SRRM3: variants seen among roughly 807,000 people sequenced by gnomAD.
SRRM3 encodes serine/arginine repetitive matrix 3.
A neutral mutation model predicts 66.2 loss-of-function variants in SRRM3; 27 were observed. The ratio of observed to expected loss-of-function variants is 0.41; its 90% confidence interval spans 0.30 to 0.56. SRRM3 has a LOEUF of 0.56. SRRM3 is among the 20% of genes least tolerant of loss of function. The pLI is 0.32. For synonymous variants in SRRM3, 391 were observed against 414.9 expected (o/e 0.94, Z 0.70); for missense variants, 918 against 991.9 (o/e 0.93, Z 1.00).
intron 11 of SRRM3, among the ~76,000 whole-genome samples, chr7:76,271,454 G>A (rs1255032420): frequency 6.6e-6 from 1 of 151,874 alleles, no homozygotes; most frequent in Non-Finnish European, 1.5e-5. Context: ...TCCAGCCTGG[G>A]CAACACTGCA....
intron 1 of SRRM3, among the ~76,000 whole-genome samples, chr7:76,220,564 C>CT (rs1554603065): frequency 6.6e-6 from 1 of 152,204 alleles, no homozygotes. Flanking sequence ...GCCCTGGAAA[C>CT]TTTGCCAGCC....
chr7:76,228,145 C>T (rs1042880430), intron 1 of SRRM3, among the ~76,000 whole-genome samples: 1 of 152,132 alleles, frequency 6.6e-6, no homozygotes, highest in East Asian at 1.9e-4. Context: ...GCTGGGATTA[C>T]AGGTGCAAGC....
intron 1 of SRRM3, among the ~76,000 whole-genome samples, chr7:76,222,821 G>A (rs1554603343): frequency 6.6e-6 from 1 of 151,812 alleles, no homozygotes; most frequent in African/African-American, 2.4e-5. Flanking sequence ...AGGCCAGGCT[G>A]ACCAGGCTGG....
chr7:76,281,354 C>CGTCT lies in SRRM3; in HGVS notation c.1009-82_1009-79dup, dbSNP rs563204016. 981 of 971,418 alleles carry CGTCT rather than the reference C, an allele frequency of 1.0e-3. 18 individuals are homozygous for CGTCT. The South Asian group carries it at 0.028, about 28-fold the overall frequency. 60.2% of individuals were successfully genotyped at this position (971,418 alleles called of 1,614,324 possible). On this transcript the variant is annotated intron_variant, in intron 11 of 14. Transcript: ENST00000611745. ...TCTCTTTCTTTCAATCTCTCTCTCC[C>CGTCT]GTCTGTCTCCTCTCTTCTCTCTCTG...
intron 1 of SRRM3, among the ~76,000 whole-genome samples, chr7:76,212,260 C>G (rs151255657): frequency 1.0e-3 from 153 of 149,582 alleles, no homozygotes; most frequent in Non-Finnish European, 1.8e-3. Flanking sequence ...TCCCCCAGCT[C>G]AGATGATCTT....
rs782230175 is a variant in SRRM3 at position 76,264,839 on chromosome 7, GC to G, written c.725+30del. 21 of 1,612,440 alleles carry G rather than the reference GC, an allele frequency of 1.3e-5. No individual in the cohort carries two copies. In the South Asian group the frequency reaches 1.6e-4, roughly 13 times the overall value. On this transcript the variant is annotated intron_variant, in intron 9 of 14. Transcript: ENST00000611745. ...AGGTAAGCGCCCTCCCTACTCTCCA[GC>G]CCCCCATTCGTTCTCCCTCCCGCCC...
intron 1 of SRRM3, among the ~76,000 whole-genome samples, chr7:76,208,190 G>A (rs997926999): frequency 8.5e-5 from 13 of 152,238 alleles, no homozygotes; most frequent in Middle Eastern, 3.4e-3. Flanking sequence ...CTTAGGGGGC[G>A]GTGAGGGCTT....
chr7:76,227,736 G>A (rs781914751), intron 1 of SRRM3, among the ~76,000 whole-genome samples: 1 of 152,212 alleles, frequency 6.6e-6, no homozygotes, highest in Non-Finnish European at 1.5e-5. Flanking sequence ...CTTTAATAAC[G>A]TGAGGCCAAG....
intron 11 of SRRM3, among the ~76,000 whole-genome samples, chr7:76,275,964 C>G (rs1802338595): frequency 6.6e-6 from 1 of 152,006 alleles, no homozygotes; most frequent in Admixed American, 6.6e-5. Flanking sequence ...CCTGTAGACC[C>G]AGCTACTGAG....
At chr7:76,218,465 G>T (rs1249665193) in intron 1 of SRRM3, among the ~76,000 whole-genome samples, 1 of 151,648 alleles carries the variant, frequency 6.6e-6, no homozygotes, top group African/African-American at 2.4e-5. Context: ...CCCCAGGGAA[G>T]CTGTCTGCTC....
intron 1 of SRRM3, among the ~76,000 whole-genome samples, chr7:76,221,519 C>T (rs1432006001): frequency 2.6e-5 from 4 of 152,062 alleles, no homozygotes; most frequent in Non-Finnish European, 5.9e-5. Context: ...CCCACCACCA[C>T]GCCCAGCTAA....
intron 2 of SRRM3, among the ~76,000 whole-genome samples, chr7:76,244,946 CCAGA>C (rs1801401991): frequency 6.6e-6 from 1 of 152,238 alleles, no homozygotes; most frequent in Non-Finnish European, 1.5e-5. Flanking sequence ...CCTCTGGGAA[CCAGA>C]CAAAGCCCCT....
intron 11 of SRRM3, among the ~76,000 whole-genome samples, chr7:76,270,761 C>T (rs1356894298): frequency 5.3e-5 from 8 of 151,164 alleles, no homozygotes; most frequent in African/African-American, 1.5e-4. Context: ...TTGCAGTGAG[C>T]GGAGATCATA....
intron 2 of SRRM3, among the ~76,000 whole-genome samples, chr7:76,238,599 C>G (rs1801205051): frequency 1.3e-5 from 2 of 150,768 alleles, no homozygotes; most frequent in African/African-American, 4.9e-5. Flanking sequence ...CGAGATGCTC[C>G]CACCCCAGCC....
Position 76,265,346 on chromosome 7 carries a change from T to C in SRRM3, c.726-18T>C, listed in dbSNP as rs1436470445. The C allele has an allele frequency of 6.3e-7, 1 of 1,578,690 alleles. No individual in the cohort carries two copies. The highest frequency in any genetic ancestry group is 8.6e-7 in the Non-Finnish European group (1 of 1,160,730). On this transcript the variant is annotated intron_variant, in intron 9 of 14. Coordinates refer to ENST00000611745, the MANE Select transcript of SRRM3 (RefSeq NM_001110199.3). ...GGGCAGAATTGAGGTACAGGCTGATTTCCCCCATCCACGCCAGGCCTCACA... is the reference window on the plus strand; with the variant it reads ...GGGCAGAATTGAGGTACAGGCTGATCTCCCCCATCCACGCCAGGCCTCACA...
At position 76,283,169 on chromosome 7, in the gene SRRM3, C is replaced by T. The variant is rs140346734; in HGVS notation, c.1733+68C>T. 540 of 1,345,988 alleles carry T rather than the reference C, an allele frequency of 4.0e-4. 1 individual carries two copies. In the African/African-American group the frequency reaches 7.4e-3, roughly 18 times the overall value. 83.4% of individuals were successfully genotyped at this position (1,345,988 alleles called of 1,614,324 possible). On this transcript the variant is annotated intron_variant, in intron 14 of 14. Transcript: ENST00000611745. ...CGCTGACCCGGATCAGGGACAGAGA[C>T]CTCGGCCCGGGGACCTTCTCTGAGG...
chr7:76,246,682 C>T (rs1433720202), intron 2 of SRRM3, among the ~76,000 whole-genome samples: 2 of 152,174 alleles, frequency 1.3e-5, no homozygotes, highest in Non-Finnish European at 2.9e-5. Context: ...ATGCCCAGGG[C>T]ATCTTGCTGG....
At chr7:76,272,832 T>A (rs533804137) in intron 11 of SRRM3, among the ~76,000 whole-genome samples, 14 of 151,258 alleles carry the variant, frequency 9.3e-5, no homozygotes, top group African/African-American at 3.4e-4. Context: ...CAAGAAGAGG[T>A]GCCAAGGCAC....
chr7:76,262,185 CAGG>C (rs1477683582), intron 8 of SRRM3, among the ~76,000 whole-genome samples: 1 of 151,806 alleles, frequency 6.6e-6, no homozygotes, highest in African/African-American at 2.4e-5. Flanking sequence ...CAGAGTGGTG[CAGG>C]AGAAGAGGGT....
Sources: gnomAD v4.1 joint callset for allele counts (sites outside exome capture counted in the v4.1 genomes callset) on GRCh38, gnomAD v4.1.1 for gene constraint, MANE v1.5 for transcripts, NCBI Gene and HGNC (gene_info 2026-07-23, HGNC 2026-07-21) for gene names.